PDGFC: variants seen among roughly 807,000 people sequenced by gnomAD.
PDGFC encodes the protein platelet-derived growth factor C.
In PDGFC, 12 loss-of-function variants were observed where a neutral mutation model predicts 35.5. That is an observed-to-expected ratio of 0.34 (90% CI 0.22 to 0.55). The LOEUF (loss-of-function observed/expected upper bound fraction) is 0.55. Ranked by LOEUF, PDGFC falls within the 20% of genes least tolerant of loss-of-function variation. PDGFC has a pLI of 0.91. For synonymous variants in PDGFC, 159 were observed against 148.8 expected (o/e 1.07, Z -0.50); for missense variants, 322 against 412.4 (o/e 0.78, Z 1.90).
intron 1 of PDGFC, among the ~76,000 whole-genome samples, chr4:156,864,770 C>T (rs571272337): frequency 2.0e-5 from 3 of 152,158 alleles, no homozygotes; most frequent in African/African-American, 7.2e-5. Flanking sequence ...AAAAACAAAC[C>T]TTAACATGAT....
At chr4:156,838,607 G>A (rs966333748) in intron 2 of PDGFC, among the ~76,000 whole-genome samples, 2 of 152,152 alleles carry the variant, frequency 1.3e-5, no homozygotes, top group Non-Finnish European at 2.9e-5. Flanking sequence ...ATCAACAGAG[G>A]CAGAGAAAAA....
chr4:156,849,775 C>A, intron 2 of PDGFC, among the ~76,000 whole-genome samples: 1 of 151,996 alleles, frequency 6.6e-6, no homozygotes, highest in East Asian at 1.9e-4. Context: ...GGGTATGTAT[C>A]CAGGTAATAT....
At chr4:156,905,108 C>CA (rs5863240) in intron 1 of PDGFC, among the ~76,000 whole-genome samples, 2,482 of 151,892 alleles carry the variant, frequency 0.016, 73 homozygotes, top group African/African-American at 0.057. Flanking sequence ...AAGGGAAATA[C>CA]AAAAATGATC....
At chr4:156,834,594 G>A (rs1729018514) in intron 2 of PDGFC, among the ~76,000 whole-genome samples, 1 of 152,134 alleles carries the variant, frequency 6.6e-6, no homozygotes, top group Non-Finnish European at 1.5e-5. Flanking sequence ...GGGGTTTCTG[G>A]TGAGATTTCT....
intron 1 of PDGFC, among the ~76,000 whole-genome samples, chr4:156,951,731 G>GAA (rs776491759): frequency 3.1e-4 from 34 of 110,734 alleles, no homozygotes; most frequent in Admixed American, 6.3e-4. Flanking sequence ...CTACCTTATA[G>GAA]AAAAAAAAAA....
intron 3 of PDGFC, among the ~76,000 whole-genome samples, chr4:156,789,943 C>T (rs1324213588): frequency 6.9e-6 from 1 of 144,302 alleles, no homozygotes; most frequent in Admixed American, 7.0e-5. Context: ...TGCCACGGTA[C>T]TCCAGCCTGG....
At chr4:156,790,008 C>T (rs1157704343) in intron 3 of PDGFC, among the ~76,000 whole-genome samples, 1 of 135,508 alleles carries the variant, frequency 7.4e-6, no homozygotes, top group African/African-American at 3.0e-5. Context: ...AGAAAGAATA[C>T]TTTGAGGAAA....
intron 1 of PDGFC, among the ~76,000 whole-genome samples, chr4:156,921,134 A>G (rs1273292510): frequency 6.6e-6 from 1 of 152,214 alleles, no homozygotes; most frequent in Non-Finnish European, 1.5e-5. Context: ...TTTTCTTCCC[A>G]TGCTGTGCTA....
chr4:156,903,102 A>AGTGTGT (rs1426636075), intron 1 of PDGFC, among the ~76,000 whole-genome samples: 69 of 88,332 alleles, frequency 7.8e-4, no homozygotes, highest in African/African-American at 3.7e-3. Flanking sequence ...AGAGAGAGAG[A>AGTGTGT]GAGTGTGTGT....
chr4:156,829,966 G>C (rs1728888057), intron 2 of PDGFC, among the ~76,000 whole-genome samples: 2 of 151,924 alleles, frequency 1.3e-5, no homozygotes, highest in Non-Finnish European at 2.9e-5. Flanking sequence ...CTTCCCACTA[G>C]TACTACTTCA....
intron 2 of PDGFC, among the ~76,000 whole-genome samples, chr4:156,826,485 A>G (rs909835307): frequency 6.6e-6 from 1 of 152,000 alleles, no homozygotes; most frequent in Non-Finnish European, 1.5e-5. Flanking sequence ...TACAGGAATG[A>G]GCCACCATGC....
chr4:156,810,919 T>C lies in PDGFC; in HGVS notation c.413A>G (p.Asn138Ser). The C allele has an allele frequency of 1.2e-6, 2 of 1,608,696 alleles. No individual in the cohort carries two copies. The highest frequency in any genetic ancestry group is 1.7e-6 in the Non-Finnish European group (2 of 1,175,486). ...TVPGKQISKGNQIRIRFVSDE... is the reference protein window; with the variant it reads ...TVPGKQISKGSQIRIRFVSDE... ...AGATACAAATCTTATCCTAATTTGATTTCCTTTAGAAATCTGTTTTCCTGG... is the reference window on the plus strand; with the variant it reads ...AGATACAAATCTTATCCTAATTTGACTTCCTTTAGAAATCTGTTTTCCTGG... Residue 138 changes from asparagine (N) to serine (S), a missense_variant, in exon 3 of 6, where the codon AAT (asparagine) becomes AGT (serine). By Grantham distance (46) the Asn-to-Ser change is conservative. Transcript: ENST00000502773.
intron 1 of PDGFC, among the ~76,000 whole-genome samples, chr4:156,862,634 T>A (rs1729739967): frequency 1.3e-5 from 2 of 152,076 alleles, no homozygotes; most frequent in East Asian, 1.9e-4. Context: ...GTTAATTGTT[T>A]AAGAGTGATA....
At chr4:156,797,976 G>A (rs922248904) in intron 3 of PDGFC, among the ~76,000 whole-genome samples, 1 of 152,136 alleles carries the variant, frequency 6.6e-6, no homozygotes, top group African/African-American at 2.4e-5. Context: ...GATCACTTGA[G>A]GTCAGGAATT....
At chr4:156,763,926 A>G (rs1445631956) in intron 5 of PDGFC, among the ~76,000 whole-genome samples, 2 of 152,244 alleles carry the variant, frequency 1.3e-5, no homozygotes, top group African/African-American at 2.4e-5. Flanking sequence ...ATTGACACTT[A>G]TGCTACACAT....
Position 156,810,932 on chromosome 4 carries a change from T to C in PDGFC, c.400A>G (p.Ile134Val). 1 of 1,607,666 alleles carries C rather than the reference T, an allele frequency of 6.2e-7. No individual in the cohort carries two copies. Among genetic ancestry groups the C allele is most frequent in the Non-Finnish European group, 8.5e-7 (1 of 1,174,638 alleles). ...ATCCTAATTTGATTTCCTTTAGAAA[T>C]CTGTTTTCCTGGTACAGTACCAGAA... Reference protein sequence around the residue: ...CGSGTVPGKQISKGNQIRIRF... With the variant: ...CGSGTVPGKQVSKGNQIRIRF... The change falls in exon 3 of 6, where the codon ATT (isoleucine) becomes GTT (valine). Residue 134 changes from isoleucine to valine, a missense_variant. Physicochemically the swap from Ile to Val is conservative, Grantham distance 29. This residue lies in a region of PDGFC where 202 missense variants were observed against 295.9 expected (regional missense o/e 0.68). Coordinates refer to ENST00000502773, the MANE Select transcript of PDGFC (RefSeq NM_016205.3).
At chr4:156,904,421 A>G (rs908152313) in intron 1 of PDGFC, among the ~76,000 whole-genome samples, 5 of 152,228 alleles carry the variant, frequency 3.3e-5, no homozygotes, top group South Asian at 2.1e-4. Context: ...AACATTAAAT[A>G]AAATAACACC....
chr4:156,857,899 G>C (rs1191207148), intron 1 of PDGFC, among the ~76,000 whole-genome samples: 2 of 152,046 alleles, frequency 1.3e-5, no homozygotes, highest in African/African-American at 4.8e-5. Context: ...ATGTACGGTA[G>C]TATTGAAAAA....
chr4:156,780,111 T>G (rs1560808206), intron 3 of PDGFC, among the ~76,000 whole-genome samples: 1 of 151,306 alleles, frequency 6.6e-6, no homozygotes, highest in Non-Finnish European at 1.5e-5. Context: ...ATTAAGGTTT[T>G]TTTTTTTTTT....
Sources: gnomAD v4.1 joint callset for allele counts (sites outside exome capture counted in the v4.1 genomes callset) on GRCh38, gnomAD v4.1.1 for gene constraint, gnomAD v4.1.1 regional missense constraint, MANE v1.5 for transcripts, NCBI Gene and HGNC (gene_info 2026-07-23, HGNC 2026-07-21) for gene names.